Variants in KCNQ3 observed in about 807,000 individuals in gnomAD.
KCNQ3 encodes the protein potassium voltage-gated channel subfamily KQT member 3.
A neutral mutation model predicts 92.5 loss-of-function variants in KCNQ3; 30 were observed. The observed-to-expected ratio is 0.32, with a 90% CI of 0.24 to 0.44. The LOEUF (loss-of-function observed/expected upper bound fraction) is 0.44. KCNQ3 is among the 20% of genes least tolerant of loss of function. The pLI is 1.00. For missense variants in KCNQ3, 913 were observed against 1,140.3 expected, an observed-to-expected ratio of 0.80 and a Z score of 2.87; for synonymous variants, 450 against 468.8, an observed-to-expected ratio of 0.96 and a Z score of 0.52.
intron 1 of KCNQ3, among the ~76,000 whole-genome samples, chr8:132,333,689 G>A (rs1462908691): frequency 6.6e-6 from 1 of 151,804 alleles, no homozygotes; most frequent in African/African-American, 2.4e-5. Context: ...CCTAAACATA[G>A]TAATGTAAAC....
chr8:132,204,489 G>T (rs1308162398), intron 1 of KCNQ3, among the ~76,000 whole-genome samples: 3 of 152,122 alleles, frequency 2.0e-5, no homozygotes, highest in Admixed American at 6.5e-5. Flanking sequence ...GCCTCATTCT[G>T]GTCCCCCATT....
chr8:132,421,387 C>T (rs939853903), intron 1 of KCNQ3, among the ~76,000 whole-genome samples: 38 of 152,204 alleles, frequency 2.5e-4, no homozygotes, highest in African/African-American at 9.2e-4. Flanking sequence ...ATGGGAAAGG[C>T]TCCCTCATAA....
chr8:132,304,545 C>A (rs1817357151), intron 1 of KCNQ3, among the ~76,000 whole-genome samples: 1 of 152,150 alleles, frequency 6.6e-6, no homozygotes, highest in South Asian at 2.1e-4. Flanking sequence ...CCCTAACCAC[C>A]TGTGGCTACT....
At chr8:132,222,218 G>C (rs1230140928) in intron 1 of KCNQ3, among the ~76,000 whole-genome samples, 4 of 152,166 alleles carry the variant, frequency 2.6e-5, no homozygotes, top group Admixed American at 2.6e-4. Context: ...TTCATTTTAT[G>C]ATGAGGTAAA....
intron 1 of KCNQ3, among the ~76,000 whole-genome samples, chr8:132,343,167 TCA>T (rs1217449650): frequency 3.3e-5 from 5 of 152,246 alleles, no homozygotes; most frequent in Admixed American, 6.5e-5. Flanking sequence ...TCGTGGTGAA[TCA>T]CAGTGTTCAA....
intron 1 of KCNQ3, among the ~76,000 whole-genome samples, chr8:132,415,045 C>T (rs552685701): frequency 1.2e-3 from 188 of 152,286 alleles, no homozygotes; most frequent in African/African-American, 3.9e-3. Context: ...GGCCTGATTG[C>T]ATCAGCTCAC....
At chr8:132,195,965 A>T (rs899901448) in intron 1 of KCNQ3, among the ~76,000 whole-genome samples, 2 of 152,212 alleles carry the variant, frequency 1.3e-5, no homozygotes, top group African/African-American at 4.8e-5. Flanking sequence ...CATTAAGAAG[A>T]CATTATAATT....
At chr8:132,234,343 T>G (rs1247026175) in intron 1 of KCNQ3, among the ~76,000 whole-genome samples, 2 of 92,512 alleles carry the variant, frequency 2.2e-5, no homozygotes, top group East Asian at 2.5e-4. Flanking sequence ...GAAAAGTTTT[T>G]TTTTTTTTTT....
At chr8:132,350,757 GT>G (rs1391117542) in intron 1 of KCNQ3, among the ~76,000 whole-genome samples, 1 of 152,170 alleles carries the variant, frequency 6.6e-6, no homozygotes, top group Non-Finnish European at 1.5e-5. Context: ...CCTGGTATTG[GT>G]TTAGGCAGCC....
At chr8:132,249,866 G>T (rs1342571711) in intron 1 of KCNQ3, among the ~76,000 whole-genome samples, 1 of 152,178 alleles carries the variant, frequency 6.6e-6, no homozygotes, top group African/African-American at 2.4e-5. Context: ...ACTGCTGGGG[G>T]ACCCAGTGCA....
intron 1 of KCNQ3, among the ~76,000 whole-genome samples, chr8:132,397,514 T>C (rs542310073): frequency 4.6e-5 from 7 of 152,302 alleles, no homozygotes; most frequent in Admixed American, 4.6e-4. Flanking sequence ...TAAAATCTTA[T>C]ATAGGTAAGT....
At chr8:132,150,924 T>A (rs1231692456) in intron 9 of KCNQ3, among the ~76,000 whole-genome samples, 1 of 152,164 alleles carries the variant, frequency 6.6e-6, no homozygotes, top group Non-Finnish European at 1.5e-5. Flanking sequence ...AAAGGGAAGA[T>A]AAAAGCTGTG....
intron 1 of KCNQ3, among the ~76,000 whole-genome samples, chr8:132,409,425 T>C (rs76015354): frequency 0.069 from 10,494 of 151,860 alleles, 538 homozygotes; most frequent in Non-Finnish European, 0.11. Context: ...CCAGCTTAAG[T>C]GCCACCTCCT....
At chr8:132,463,384 A>G (rs567471806) in intron 1 of KCNQ3, among the ~76,000 whole-genome samples, 1 of 152,340 alleles carries the variant, frequency 6.6e-6, no homozygotes, top group Admixed American at 6.5e-5. Context: ...CAGCCAAAGC[A>G]AACAAAACAG....
At chr8:132,426,135 T>C (rs1265942231) in intron 1 of KCNQ3, among the ~76,000 whole-genome samples, 1 of 152,214 alleles carries the variant, frequency 6.6e-6, no homozygotes, top group Non-Finnish European at 1.5e-5. Flanking sequence ...AGCCCTGGGT[T>C]CAAATTTCAG....
intron 1 of KCNQ3, among the ~76,000 whole-genome samples, chr8:132,283,804 A>C (rs899121680): frequency 3.3e-5 from 5 of 152,284 alleles, no homozygotes; most frequent in African/African-American, 1.2e-4. Context: ...TTCTGACATC[A>C]TCTTTCATAA....
At chr8:132,224,974 GC>G (rs1814362920) in intron 1 of KCNQ3, among the ~76,000 whole-genome samples, 3 of 152,160 alleles carry the variant, frequency 2.0e-5, no homozygotes, top group Admixed American at 6.5e-5. Flanking sequence ...AGCAGACATA[GC>G]CCCTTCCTTC....
chr8:132,447,150 T>C (rs2130845661), intron 1 of KCNQ3: 3 of 1,469,750 alleles, frequency 2.0e-6, no homozygotes, highest in South Asian at 2.4e-5. Flanking sequence ...TCTGAGTCCA[T>C]CTTAGGATGC....
intron 1 of KCNQ3, among the ~76,000 whole-genome samples, chr8:132,249,606 C>T (rs1267158012): frequency 6.6e-6 from 1 of 152,228 alleles, no homozygotes. Context: ...CTAGTGGATC[C>T]TGCACCGGGG....
Sources: allele counts gnomAD v4.1 joint callset (sites outside exome capture counted in the v4.1 genomes callset), GRCh38; gene constraint gnomAD v4.1.1; transcripts MANE v1.5; gene names NCBI Gene and HGNC (gene_info 2026-07-23, HGNC 2026-07-21).